Variants in PTPN21 observed in about 807,000 individuals in gnomAD.
The protein encoded by PTPN21 is tyrosine-protein phosphatase non-receptor type 21.
PTPN21 carries 77 observed loss-of-function variants against 131.8 expected under a neutral mutation model. The observed-to-expected ratio is 0.58, with a 90% CI of 0.49 to 0.71. The LOEUF (loss-of-function observed/expected upper bound fraction) is 0.71. Among genes scored for constraint, PTPN21 ranks in the 30% least tolerant of loss-of-function variants. The probability of loss-of-function intolerance (pLI) is 0.00; values close to 1 mark genes in which losing one functional copy is unlikely to be tolerated. For missense variants in PTPN21, 1,552 were observed against 1,527.1 expected (o/e 1.02, Z -0.27); for synonymous variants, 715 against 621.3 (o/e 1.15, Z -2.24).
intron 3 of PTPN21, chr14:88,515,070 G>A (rs1399555637): frequency 6.6e-6 from 1 of 152,178 alleles, no homozygotes; most frequent in African/African-American, 2.4e-5. Flanking sequence ...CCTAGTGCAT[G>A]GGAAGGATGC....
At chr14:88,509,734 A>G (rs1346483807) in intron 3 of PTPN21, among the ~76,000 whole-genome samples, 4 of 152,168 alleles carry the variant, frequency 2.6e-5, no homozygotes, top group Non-Finnish European at 5.9e-5. Flanking sequence ...ACTTTTCCTT[A>G]AATCAAAAAC....
rs1361156509 is a variant in PTPN21, at chr14:88,479,698, G to A, written c.1733C>T (p.Thr578Met). Residue 578 changes from threonine to methionine, a missense_variant, in exon 13 of 19, where the codon ACG becomes ATG. Thr to Met is a moderately conservative substitution (Grantham distance 81, BLOSUM62 -1). This residue lies in a region of PTPN21 where 1,016 missense variants were observed against 883.5 expected (regional missense o/e 1.15). Coordinates refer to ENST00000556564, the MANE Select transcript of PTPN21 (RefSeq NM_007039.4). The stretch of plus-strand genomic sequence containing the variant: ...GTAAAGGTGGCGGGACAGGTCTGGC[G>A]TGCTGTTGGCGGGCCTGGGGGGCGG... ...PYPPPRPANS[T>M]PDLSRHLYIS... 2 of 1,510,194 alleles carry A rather than the reference G, an allele frequency of 1.3e-6. No individual in the cohort carries two copies. Among genetic ancestry groups the A allele is most frequent in the Non-Finnish European group, 8.8e-7 (1 of 1,139,196 alleles). 93.5% of individuals were successfully genotyped at this position (1,510,194 alleles called of 1,614,324 possible).
At chr14:88,491,119 T>C (rs2077816997) in intron 10 of PTPN21, among the ~76,000 whole-genome samples, 1 of 151,330 alleles carries the variant, frequency 6.6e-6, no homozygotes, top group Non-Finnish European at 1.5e-5. Context: ...TATCCTCACT[T>C]TATAATTTTA....
At chr14:88,516,648 C>G (rs2078275601) in intron 3 of PTPN21, among the ~76,000 whole-genome samples, 1 of 152,168 alleles carries the variant, frequency 6.6e-6, no homozygotes. Flanking sequence ...TCCCTCTCCT[C>G]TGTACTCCCT....
At chr14:88,489,432 G>T (rs1202745111) in intron 10 of PTPN21, among the ~76,000 whole-genome samples, 4 of 151,942 alleles carry the variant, frequency 2.6e-5, no homozygotes, top group African/African-American at 9.7e-5. Flanking sequence ...TTGAGGCCAG[G>T]GGTTTAAGAC....
chr14:88,470,068 TA>T lies in PTPN21; in HGVS notation c.2872-19del. ...ACAGAGACCTGGGATTAGAAAAGGTTAAAAAAATTGATGTGTGGGTATAATA... is the reference window on the plus strand; with the variant it reads ...ACAGAGACCTGGGATTAGAAAAGGTTAAAAAATTGATGTGTGGGTATAATA... On this transcript the variant is annotated intron_variant, in intron 15 of 18. Coordinates refer to ENST00000556564, the MANE Select transcript of PTPN21 (RefSeq NM_007039.4). 5 of 1,608,934 alleles carry T rather than the reference TA, an allele frequency of 3.1e-6. 1 individual carries two copies. The highest frequency in any genetic ancestry group is 3.4e-6 in the Non-Finnish European group (4 of 1,175,620).
Position 88,491,681 on chromosome 14 carries a change from C to T in PTPN21, c.932+4732G>A, listed in dbSNP as rs528607913. Among the ~76,000 whole-genome samples, 3 of 152,204 alleles carry T rather than the reference C, an allele frequency of 2.0e-5. No individual in the cohort carries two copies. The East Asian group carries it at 5.8e-4, about 29-fold the overall frequency. ...TCATTTACTTTATGTGGGAAACAAA[C>T]GCTCACAATGAAATATATTAGTTCC... On this transcript the variant is annotated intron_variant, in intron 10 of 18. Coordinates refer to ENST00000556564, the MANE Select transcript of PTPN21 (RefSeq NM_007039.4).
chr14:88,492,038 A>C (rs1444219252), intron 10 of PTPN21, among the ~76,000 whole-genome samples: 3 of 150,352 alleles, frequency 2.0e-5, no homozygotes, highest in Admixed American at 6.6e-5. Context: ...AAAAAAAAAA[A>C]CACAAAACAA....
At chr14:88,518,402 A>G (rs2078328298) in intron 2 of PTPN21, among the ~76,000 whole-genome samples, 1 of 20,536 alleles carries the variant, frequency 4.9e-5, no homozygotes, top group African/African-American at 1.0e-4. Flanking sequence ...ATATATATAT[A>G]TATATATATA....
At chr14:88,477,760 C>T (rs2077569573) in intron 13 of PTPN21, among the ~76,000 whole-genome samples, 1 of 152,060 alleles carries the variant, frequency 6.6e-6, no homozygotes, top group African/African-American at 2.4e-5. Flanking sequence ...AAGTGCAGGG[C>T]ATGAGGAGTG....
chr14:88,502,561 T>G (rs1595375405), intron 6 of PTPN21, among the ~76,000 whole-genome samples: 1 of 152,332 alleles, frequency 6.6e-6, no homozygotes, highest in Non-Finnish European at 1.5e-5. Flanking sequence ...AAGAAATTAT[T>G]CTATTTATCT....
At chr14:88,540,542 A>C (rs895093863) in intron 2 of PTPN21, among the ~76,000 whole-genome samples, 22 of 152,250 alleles carry the variant, frequency 1.4e-4, no homozygotes, top group African/African-American at 5.1e-4. Flanking sequence ...CACTTTGCCA[A>C]ATGTAGTTGA....
At chr14:88,489,252 GC>G (rs2077785052) in intron 10 of PTPN21, among the ~76,000 whole-genome samples, 1 of 152,202 alleles carries the variant, frequency 6.6e-6, no homozygotes, top group Non-Finnish European at 1.5e-5. Context: ...GTATTTCTAA[GC>G]CTCGTCTGAA....
At chr14:88,511,144 G>C (rs2078173761) in intron 3 of PTPN21, among the ~76,000 whole-genome samples, 1 of 151,914 alleles carries the variant, frequency 6.6e-6, no homozygotes, top group South Asian at 2.1e-4. Flanking sequence ...TCAAACTCCT[G>C]AGCTCAAGCG....
Position 88,496,467 on chromosome 14 carries a change from A to G in PTPN21, c.878T>C (p.Ile293Thr), listed in dbSNP as rs1290089488. The change falls in exon 10 of 19, where the codon ATT becomes ACT. Residue 293 changes from isoleucine (I) to threonine (T), a missense_variant. Transcript: ENST00000556564. Reference protein sequence around the residue: ...QTEDMETAKYIWRLCVARHKF... With the variant: ...QTEDMETAKYTWRLCVARHKF... ...GTGTCGCGCAACACAGAGTCTCCAA[A>G]TGTATTTTGCTGTTTCCATGTCTTC... The G allele has an allele frequency of 6.2e-7, 1 of 1,613,940 alleles. No homozygotes were observed. Among genetic ancestry groups the G allele is most frequent in the Non-Finnish European group, 8.5e-7 (1 of 1,179,892 alleles).
intron 2 of PTPN21, among the ~76,000 whole-genome samples, chr14:88,548,261 T>G (rs2078811287): frequency 6.6e-6 from 1 of 152,136 alleles, no homozygotes; most frequent in African/African-American, 2.4e-5. Context: ...CACCCTTCAT[T>G]AACTTCCCCA....
chr14:88,550,319 C>T lies in PTPN21; in HGVS notation c.99G>A (p.Glu33=), dbSNP rs1192975238. 6.2e-7 allele frequency: 1 copy of T among 1,614,252 alleles called. No homozygotes were observed. The highest frequency in any genetic ancestry group is 1.3e-5 in the African/African-American group (1 of 75,066). The part of the protein sequence containing the change: ...LVARIQLLNN[E]FVEFTLSVES... ...CCACGGACAGGGTGAACTCCACAAA[C>T]TCGTTATTAAGCAGTTGGATCCGGG... The change falls in exon 2 of 19, where the codon GAG becomes GAA. Residue 33 remains glutamate (E), a synonymous_variant. Coordinates refer to ENST00000556564, the MANE Select transcript of PTPN21 (RefSeq NM_007039.4).
intron 2 of PTPN21, among the ~76,000 whole-genome samples, chr14:88,541,121 C>A (rs2139354790): frequency 6.6e-6 from 1 of 152,254 alleles, no homozygotes; most frequent in East Asian, 1.9e-4. Flanking sequence ...TTTTAATGAT[C>A]ATATTTGGGT....
At chr14:88,511,945 G>A (rs2078190623) in intron 3 of PTPN21, among the ~76,000 whole-genome samples, 1 of 152,148 alleles carries the variant, frequency 6.6e-6, no homozygotes, top group Non-Finnish European at 1.5e-5. Flanking sequence ...TCCAAATAAT[G>A]TATGAAGAGG....
Sources: gnomAD v4.1 joint callset for allele counts (sites outside exome capture counted in the v4.1 genomes callset) on GRCh38, gnomAD v4.1.1 for gene constraint, gnomAD v4.1.1 regional missense constraint, MANE v1.5 for transcripts, NCBI Gene and HGNC (gene_info 2026-07-23, HGNC 2026-07-21) for gene names.